CD9: variants seen among roughly 807,000 people sequenced by gnomAD.
CD9 encodes CD9 antigen.
Under a neutral mutation model 31.4 loss-of-function variants are expected in CD9, and 10 were observed. The observed-to-expected ratio is 0.32, with a 90% CI of 0.20 to 0.54. The LOEUF is 0.54. Ranked by LOEUF, CD9 falls within the 20% of genes least tolerant of loss-of-function variation. CD9 has a pLI of 0.94. For synonymous variants in CD9, 113 were observed against 114.1 expected, an observed-to-expected ratio of 0.99 and a Z score of 0.06; for missense variants, 259 against 300.1, an observed-to-expected ratio of 0.86 and a Z score of 1.01.
chr12:6,208,147 CT>C (rs1241382797), intron 1 of CD9, among the ~76,000 whole-genome samples: 8 of 151,640 alleles, frequency 5.3e-5, no homozygotes, highest in African/African-American at 1.9e-4. Context: ...TTGCTTGAAC[CT>C]GGGAGGCGGC....
chr12:6,226,337 G>A (rs536673671), intron 2 of CD9: 19 of 152,294 alleles, frequency 1.2e-4, no homozygotes, highest in Middle Eastern at 3.4e-3. Context: ...CAGACTCTGC[G>A]GCTGTACTCT....
At chr12:6,205,164 GTGAAGCTGGCTACACGTGCAC>G (rs1946117295) in intron 1 of CD9, among the ~76,000 whole-genome samples, 1 of 152,352 alleles carries the variant, frequency 6.6e-6, no homozygotes, top group South Asian at 2.1e-4. Flanking sequence ...CTGCGCTGGG[GTGAAGCTGGCTACACGTGCAC>G]TGAAGCTGGC....
chr12:6,202,354 CT>C (rs770940581), intron 1 of CD9, among the ~76,000 whole-genome samples: 269 of 152,324 alleles, frequency 1.8e-3, no homozygotes, highest in Non-Finnish European at 3.0e-3. Flanking sequence ...CGCTTAGCTT[CT>C]TTCTTTCACC....
At chr12:6,229,913 GCT>G (rs1946422184) in intron 2 of CD9, among the ~76,000 whole-genome samples, 1 of 151,966 alleles carries the variant, frequency 6.6e-6, no homozygotes, top group Admixed American at 6.6e-5. Context: ...CCTAGAGAAG[GCT>G]CTGTGATGGA....
chr12:6,235,216 C>G lies in CD9; in HGVS notation c.349-13C>G. The G allele has an allele frequency of 6.4e-7, 1 of 1,571,394 alleles. No individual in the cohort carries two copies. The highest frequency in any genetic ancestry group is 8.8e-7 in the Non-Finnish European group (1 of 1,142,786). ...AATGCCGTCTCTGCCCCTCTCTCGTCTGCCCATTGTAGGTGATTAAGGAAG... is the reference window on the plus strand; with the variant it reads ...AATGCCGTCTCTGCCCCTCTCTCGTGTGCCCATTGTAGGTGATTAAGGAAG... On this transcript the variant is annotated splice_polypyrimidine_tract_variant and intron_variant, in intron 4 of 7. Coordinates refer to ENST00000009180, the MANE Select transcript of CD9 (RefSeq NM_001769.4).
chr12:6,224,678 C>A (rs1012752543), intron 1 of CD9, among the ~76,000 whole-genome samples: 1 of 152,190 alleles, frequency 6.6e-6, no homozygotes, highest in Non-Finnish European at 1.5e-5. Flanking sequence ...GAGTCACTCC[C>A]CCGGCAAGCC....
In CD9 at chr12:6,231,533, T is replaced by A; in HGVS notation, c.176-1099T>A. On this transcript the variant is annotated intron_variant, in intron 2 of 7. Transcript: ENST00000009180. The stretch of plus-strand genomic sequence containing the variant: ...AGGGCTGGGGTGCTGATTAAGGGAA[T>A]AGTCCCTGCAGGACAGCTGTGGCTT... Among the ~76,000 whole-genome samples, 2 of 152,216 alleles carry A rather than the reference T, an allele frequency of 1.3e-5. 1 individual carries two copies. The highest frequency in any genetic ancestry group is 3.9e-4 in the East Asian group (2 of 5,194).
intron 1 of CD9, among the ~76,000 whole-genome samples, chr12:6,207,793 C>T (rs1591963023): frequency 6.6e-6 from 1 of 152,134 alleles, no homozygotes; most frequent in Non-Finnish European, 1.5e-5. Context: ...GAGGAGGTCC[C>T]GGTAGAGAGA....
rs1177132121 is a variant in CD9 at position 6,238,036 on chromosome 12, G to A, written c.*208G>A. ...TATTGACATTTGTAGTTGAGCGGGG[G>A]GTTTGGTTTGCTTTGGTTTATATTT... On this transcript the variant is annotated 3_prime_UTR_variant, in exon 8 of 8. Transcript: ENST00000009180. The A allele has an allele frequency of 2.2e-6, 1 of 461,390 alleles. No homozygotes were observed. The highest frequency in any genetic ancestry group is 2.0e-5 in the African/African-American group (1 of 49,820). The allele number at this position is 461,390 out of a possible 1,614,324, so 28.6% of individuals were successfully genotyped here.
intron 1 of CD9, among the ~76,000 whole-genome samples, chr12:6,224,530 A>G (rs1217573028): frequency 1.3e-5 from 2 of 152,214 alleles, no homozygotes; most frequent in African/African-American, 2.4e-5. Flanking sequence ...ATGGGCTATC[A>G]ATAGCTCCTG....
chr12:6,219,075 C>T (rs549540813), intron 1 of CD9, among the ~76,000 whole-genome samples: 1 of 151,636 alleles, frequency 6.6e-6, no homozygotes. Flanking sequence ...GCTCAATCTC[C>T]GCTCATTGCA....
intron 1 of CD9, among the ~76,000 whole-genome samples, chr12:6,216,914 A>G (rs781631244): frequency 3.3e-5 from 5 of 152,044 alleles, no homozygotes; most frequent in African/African-American, 9.7e-5. Context: ...TTTTTTCCCT[A>G]TGGAATCCGG....
In CD9 at chr12:6,232,604, C is replaced by A. The variant is rs201540148; in HGVS notation, c.176-28C>A. On this transcript the variant is annotated intron_variant, in intron 2 of 7. Transcript: ENST00000009180. This position sits in a 1 kb window ranked among gnomAD's most constrained non-coding sequence, Gnocchi z 4.8. Reference sequence around the variant, plus strand: ...GGGCCTCTGAACTGATGTCTCCACGCGTGTGTGCTTCCTCTGTCCTCCCGC... The same window carrying A: ...GGGCCTCTGAACTGATGTCTCCACGAGTGTGTGCTTCCTCTGTCCTCCCGC... 3.5e-6 allele frequency: 5 copies of A among 1,421,356 alleles called. No homozygotes were observed. The highest frequency in any genetic ancestry group is 4.8e-6 in the Non-Finnish European group (5 of 1,032,308). 88.0% of individuals were successfully genotyped at this position (1,421,356 alleles called of 1,614,324 possible).
chr12:6,212,727 G>T (rs1457559650), intron 1 of CD9, among the ~76,000 whole-genome samples: 1 of 152,224 alleles, frequency 6.6e-6, no homozygotes, highest in Admixed American at 6.5e-5. Flanking sequence ...TGAATTGTAT[G>T]GGTTGTGGGG....
chr12:6,230,393 T>G (rs997819390), intron 2 of CD9, among the ~76,000 whole-genome samples: 5 of 152,274 alleles, frequency 3.3e-5, no homozygotes, highest in African/African-American at 1.2e-4. Context: ...TTCTCTTTAG[T>G]AGCTCACTTG....
intron 4 of CD9, 66 bp downstream of exon 4, chr12:6,233,552 G>GCC (rs1369128011): frequency 5.8e-6 from 7 of 1,203,890 alleles, no homozygotes; most frequent in Middle Eastern, 2.0e-4. Flanking sequence ...GAAGCAGGGG[G>GCC]CAAGTCCTGG....
Position 6,206,726 on chromosome 12 carries a change from T to TC in CD9, c.66+6167dup, listed in dbSNP as rs201588181. On this transcript the variant is annotated intron_variant, in intron 1 of 7. Transcript: ENST00000009180. ...TAATTGTATCTATCTGGTAATTTCC[T>TC]CCCCCCGCCTCTCCAAAAATACTTA... Among the ~76,000 whole-genome samples the TC allele has an allele frequency of 2.5e-3, 383 of 150,700 alleles. 17 individuals are homozygous for TC. In the East Asian group the frequency reaches 0.067, roughly 27 times the overall value.
intron 6 of CD9, 42 bp from the exon 7 acceptor site, chr12:6,236,150 G>A: frequency 2.5e-6 from 4 of 1,610,942 alleles, no homozygotes; most frequent in Non-Finnish European, 3.4e-6. Context: ...GCCCTGGGAG[G>A]AAGGATTGTG....
intron 1 of CD9, among the ~76,000 whole-genome samples, chr12:6,205,302 C>T (rs1946118971): frequency 1.3e-5 from 2 of 152,200 alleles, no homozygotes; most frequent in African/African-American, 4.8e-5. Context: ...AAGACCCAAT[C>T]TTTTGATGGT....
Sources: gnomAD v4.1 joint callset for allele counts (sites outside exome capture counted in the v4.1 genomes callset) on GRCh38, gnomAD v4.1.1 for gene constraint, Gnocchi (gnomAD v3.1) non-coding constraint, MANE v1.5 for transcripts, NCBI Gene and HGNC (gene_info 2026-07-23, HGNC 2026-07-21) for gene names.